PCED1B: variants seen among roughly 807,000 people sequenced by gnomAD.
PCED1B encodes the protein PC-esterase domain containing 1B.
For synonymous variants in PCED1B, 251 were observed against 246.1 expected, an observed-to-expected ratio of 1.02 and a Z score of -0.19; for missense variants, 573 against 573.9, an observed-to-expected ratio of 1.00 and a Z score of 0.02.
At chr12:47,130,539 A>G (rs1940082964) in intron 2 of PCED1B, among the ~76,000 whole-genome samples, 1 of 152,100 alleles carries the variant, frequency 6.6e-6, no homozygotes, top group African/African-American at 2.4e-5. Flanking sequence ...TAATTTTACA[A>G]TTAGCCAGAT....
At chr12:47,148,714 C>A (rs374036547) in intron 2 of PCED1B, among the ~76,000 whole-genome samples, 2 of 152,250 alleles carry the variant, frequency 1.3e-5, no homozygotes, top group South Asian at 2.1e-4. Flanking sequence ...CAAAGGAAAG[C>A]CTTCTACTCT....
chr12:47,235,523 C>A lies in PCED1B; in HGVS notation c.460C>A (p.Leu154Met). The A allele has an allele frequency of 6.2e-7, 1 of 1,611,592 alleles. No homozygotes were observed. The highest frequency in any genetic ancestry group is 1.7e-5 in the Admixed American group (1 of 59,870). ...ENLFQCLGQV[L>M]PESCLLVWNT... is the part of the protein sequence containing the mutation. ...CCTGTTCCAGTGCCTGGGCCAGGTG[C>A]TGCCCGAGTCTTGCCTCCTGGTGTG... The change falls in exon 4 of 4, where the codon CTG becomes ATG. Residue 154 changes from leucine (L) to methionine (M), a missense_variant. Leu to Met is a conservative substitution (Grantham distance 15). Coordinates refer to ENST00000546455, the MANE Select transcript of PCED1B (RefSeq NM_138371.3).
Position 47,223,633 on chromosome 12 carries a change from G to A in PCED1B, c.-58+6944G>A, listed in dbSNP as rs529359483. The A allele has an allele frequency of 2.0e-5, 3 of 152,384 alleles. No homozygotes were observed. The South Asian group carries it at 6.2e-4, about 32-fold the overall frequency. The allele number at this position is 152,384 out of a possible 1,614,324, so 9.4% of individuals were successfully genotyped here. On this transcript the variant is annotated intron_variant, in intron 3 of 3. Coordinates refer to ENST00000546455, the MANE Select transcript of PCED1B (RefSeq NM_138371.3). ...CCCTCACTGGGGGATATCCGGGAGC[G>A]AAGTCCCTGAGCTGCTGAGGAAGCT...
At chr12:47,232,951 T>G (rs214698) in intron 3 of PCED1B, among the ~76,000 whole-genome samples, 62,088 of 151,266 alleles carry the variant, frequency 0.41, 14,811 homozygotes, top group South Asian at 0.61. Context: ...ATTTAATTTA[T>G]TTAGAGATGG....
At chr12:47,093,671 GT>G (rs202170719) in intron 1 of PCED1B, among the ~76,000 whole-genome samples, 6,966 of 151,162 alleles carry the variant, frequency 0.046, 241 homozygotes, top group Non-Finnish European at 0.07. Flanking sequence ...ACTAATTTCT[GT>G]TTTTTTTCTT....
chr12:47,130,556 G>A (rs998335758), intron 2 of PCED1B, among the ~76,000 whole-genome samples: 2 of 152,024 alleles, frequency 1.3e-5, no homozygotes, highest in Non-Finnish European at 2.9e-5. Flanking sequence ...AGATGTGTTG[G>A]TGCACATCTG....
At chr12:47,135,949 C>A (rs866295390) in intron 2 of PCED1B, 544 of 146,292 alleles carry the variant, frequency 3.7e-3, no homozygotes, top group South Asian at 6.9e-3. Flanking sequence ...GATGGTTCTC[C>A]AAAAAAAAAA....
chr12:47,087,024 TC>T (rs1938020045), intron 1 of PCED1B, among the ~76,000 whole-genome samples: 1 of 152,222 alleles, frequency 6.6e-6, no homozygotes, highest in Non-Finnish European at 1.5e-5. Context: ...GAATCAGCTC[TC>T]TCCATTATAC....
chr12:47,107,671 G>A (rs1939015545), intron 2 of PCED1B, among the ~76,000 whole-genome samples: 1 of 152,212 alleles, frequency 6.6e-6, no homozygotes, highest in South Asian at 2.1e-4. Context: ...CCCTGGCAGG[G>A]AAGGATGCAG....
intron 2 of PCED1B, among the ~76,000 whole-genome samples, chr12:47,170,243 CAGA>C (rs904048492): frequency 7.2e-5 from 11 of 152,140 alleles, no homozygotes; most frequent in Non-Finnish European, 1.2e-4. Context: ...CATCCCAAGG[CAGA>C]AGAATTTTTC....
chr12:47,192,506 A>C (rs1341727188), intron 2 of PCED1B, among the ~76,000 whole-genome samples: 1 of 152,214 alleles, frequency 6.6e-6, no homozygotes, highest in African/African-American at 2.4e-5. Context: ...GGGAAAAGTC[A>C]CTTGGAGAGT....
intron 2 of PCED1B, among the ~76,000 whole-genome samples, chr12:47,123,335 C>A (rs919156682): frequency 6.6e-6 from 1 of 152,102 alleles, no homozygotes; most frequent in Non-Finnish European, 1.5e-5. Flanking sequence ...CTCCTTCTAG[C>A]CAGTGTGTGA....
intron 2 of PCED1B, among the ~76,000 whole-genome samples, chr12:47,160,817 G>T (rs1342560546): frequency 6.6e-6 from 1 of 152,148 alleles, no homozygotes; most frequent in Non-Finnish European, 1.5e-5. Flanking sequence ...CCTCTAAGAG[G>T]TGGAGCCTAA....
intron 1 of PCED1B, among the ~76,000 whole-genome samples, chr12:47,101,841 G>A (rs183363930): frequency 4.3e-4 from 66 of 152,158 alleles, no homozygotes; most frequent in Middle Eastern, 6.8e-3. Context: ...AGCTACCGGG[G>A]AAGCTGAGGC....
chr12:47,204,531 T>A (rs1942860713), intron 2 of PCED1B, among the ~76,000 whole-genome samples: 1 of 152,200 alleles, frequency 6.6e-6, no homozygotes, highest in Admixed American at 6.5e-5. Context: ...CAAACCCTGC[T>A]CATTTATTCA....
chr12:47,146,578 T>C (rs1275077390), intron 2 of PCED1B, among the ~76,000 whole-genome samples: 1 of 152,170 alleles, frequency 6.6e-6, no homozygotes, highest in African/African-American at 2.4e-5. Flanking sequence ...CCTGATCAGA[T>C]TGAGGCAAGA....
chr12:47,170,306 A>C (rs10881057), intron 2 of PCED1B, among the ~76,000 whole-genome samples: 44,832 of 152,092 alleles, frequency 0.29, 7,078 homozygotes, highest in Admixed American at 0.4. Flanking sequence ...TTCTACACAG[A>C]CACAGTAACA....
chr12:47,149,521 G>A (rs1266134971), intron 2 of PCED1B, among the ~76,000 whole-genome samples: 1 of 152,202 alleles, frequency 6.6e-6, no homozygotes, highest in Non-Finnish European at 1.5e-5. Context: ...GTGCACTTAT[G>A]TTTCAGGGTA....
At chr12:47,099,652 C>T (rs11183729) in intron 1 of PCED1B, among the ~76,000 whole-genome samples, 58,455 of 151,912 alleles carry the variant, frequency 0.38, 11,879 homozygotes, top group Admixed American at 0.53. Flanking sequence ...CACTACCATG[C>T]GCCCTTGTAC....
Sources: allele counts gnomAD v4.1 joint callset (sites outside exome capture counted in the v4.1 genomes callset), GRCh38; gene constraint gnomAD v4.1.1; transcripts MANE v1.5; gene names NCBI Gene and HGNC (gene_info 2026-07-23, HGNC 2026-07-21).